Variants in TPO observed in about 807,000 individuals in gnomAD.
TPO encodes thyroid microsomal antigen.
A neutral mutation model predicts 96.9 loss-of-function variants in TPO; 78 were observed. The observed-to-expected ratio is 0.81, with a 90% CI of 0.67 to 0.97. The LOEUF (loss-of-function observed/expected upper bound fraction) is 0.97, where lower values mean the gene tolerates loss of function less well. TPO is among the 50% of genes least tolerant of loss of function. The pLI, the probability that TPO is intolerant of heterozygous loss-of-function variation, is 0.00. For synonymous variants in TPO, 547 were observed against 538.0 expected, an observed-to-expected ratio of 1.02 and a Z score of -0.23; for missense variants, 1,252 against 1,274.8, an observed-to-expected ratio of 0.98 and a Z score of 0.27.
rs138956821 is a variant in TPO at position 1,538,887 on chromosome 2, T to C, written c.2619-1707T>C. The stretch of plus-strand genomic sequence containing the variant: ...GAATGCGCCTTGCACATCCAGCCTT[T>C]GGTGCCCTGCTGGTGTTCACTGGCA... On this transcript the variant is annotated intron_variant, in intron 15 of 16. Transcript: ENST00000329066. Among the ~76,000 whole-genome samples, 213 of 152,308 alleles carry C rather than the reference T, an allele frequency of 1.4e-3. 1 individual carries two copies. The highest frequency in any genetic ancestry group is 4.9e-3 in the African/African-American group (204 of 41,578).
intron 1 of TPO, among the ~76,000 whole-genome samples, chr2:1,387,090 C>T (rs1396136292): frequency 1.3e-5 from 2 of 152,220 alleles, no homozygotes; most frequent in Admixed American, 1.3e-4. Flanking sequence ...AGCTGTTAGT[C>T]TGATGGGCCT....
At chr2:1,533,764 A>C (rs1573625992) in intron 15 of TPO, among the ~76,000 whole-genome samples, 6 of 24,646 alleles carry the variant, frequency 2.4e-4, no homozygotes, top group Admixed American at 7.3e-4. Flanking sequence ...TTCCTCCCCC[A>C]CTCTGAGTAG....
At chr2:1,454,502 G>T (rs1242322242) in intron 6 of TPO, among the ~76,000 whole-genome samples, 1 of 152,158 alleles carries the variant, frequency 6.6e-6, no homozygotes, top group African/African-American at 2.4e-5. Context: ...AATTTTCCTA[G>T]GCGGGCTTTT....
chr2:1,384,703 T>G (rs1661860457), intron 1 of TPO, among the ~76,000 whole-genome samples: 2 of 152,148 alleles, frequency 1.3e-5, no homozygotes, highest in African/African-American at 4.8e-5. Context: ...TACCCTTTAT[T>G]TCTTTCTCCT....
chr2:1,375,294 A>G (rs1004142971), intron 1 of TPO, among the ~76,000 whole-genome samples: 1 of 152,058 alleles, frequency 6.6e-6, no homozygotes, highest in Non-Finnish European at 1.5e-5. Flanking sequence ...CGTGAAAGGG[A>G]GGATTTATTT....
At chr2:1,481,560 G>A (rs956291853) in intron 8 of TPO, among the ~76,000 whole-genome samples, 26 of 152,126 alleles carry the variant, frequency 1.7e-4, no homozygotes, top group African/African-American at 6.3e-4. Context: ...GATCTCCCTG[G>A]ACATCCCCAT....
intron 2 of TPO, among the ~76,000 whole-genome samples, chr2:1,417,182 C>A (rs932639787): frequency 2.6e-5 from 4 of 151,620 alleles, no homozygotes; most frequent in African/African-American, 9.7e-5. Flanking sequence ...CCGTGACTCA[C>A]ATCTGCAATC....
intron 7 of TPO, among the ~76,000 whole-genome samples, chr2:1,457,942 ATAG>A (rs398090085): frequency 6.6e-6 from 1 of 150,612 alleles, no homozygotes; most frequent in African/African-American, 2.4e-5. Context: ...GGCACATAAG[ATAG>A]TGTGTGGGCA....
intron 11 of TPO, 61 bp downstream of exon 11, chr2:1,494,100 G>T (rs1362296533): frequency 1.9e-6 from 3 of 1,540,356 alleles, no homozygotes; most frequent in Admixed American, 1.7e-5. Flanking sequence ...GGTCTGCGTT[G>T]GTTCTGAAGC....
rs578020006 is a variant in TPO at position 1,509,539 on chromosome 2, C to T, written c.2518+5460C>T. On this transcript the variant is annotated intron_variant, in intron 14 of 16. Transcript: ENST00000329066. ...AACCTCTTGTTTCAGGCACAGGATA[C>T]CCTCTTGTTTCAGGGACACCCCACC... Among the ~76,000 whole-genome samples, 5 of 151,530 alleles carry T rather than the reference C, an allele frequency of 3.3e-5. No individual in the cohort carries two copies. The South Asian group carries it at 1.0e-3, about 32-fold the overall frequency.
At chr2:1,530,618 C>T (rs1321295065) in intron 15 of TPO, among the ~76,000 whole-genome samples, 2 of 8,054 alleles carry the variant, frequency 2.5e-4, no homozygotes, top group African/African-American at 1.1e-3. Context: ...TCTGTGCAAC[C>T]TCCCCAACTC....
chr2:1,418,521 C>G (rs1663180854), intron 2 of TPO, among the ~76,000 whole-genome samples: 1 of 152,028 alleles, frequency 6.6e-6, no homozygotes, highest in South Asian at 2.1e-4. Flanking sequence ...TAATAAGAGT[C>G]TTTGAAAATG....
At chr2:1,460,110 A>G (rs1305952660) in intron 7 of TPO, among the ~76,000 whole-genome samples, 1 of 151,722 alleles carries the variant, frequency 6.6e-6, no homozygotes, top group African/African-American at 2.4e-5. Flanking sequence ...TAATTTTTCT[A>G]TTTTTAATAG....
chr2:1,421,891 A>G (rs1028664841), intron 2 of TPO, among the ~76,000 whole-genome samples: 4 of 152,164 alleles, frequency 2.6e-5, no homozygotes, highest in African/African-American at 9.6e-5. Context: ...ATTGGCGTAA[A>G]GCCAGGTCCC....
Position 1,487,946 on chromosome 2 carries a change from C to G in TPO, c.1723C>G (p.Leu575Val), listed in dbSNP as rs761142409. 1.2e-6 allele frequency: 2 copies of G among 1,614,072 alleles called. No homozygotes were observed. Among genetic ancestry groups the G allele is most frequent in the Admixed American group, 1.7e-5 (1 of 60,024 alleles). The change falls in exon 10 of 17, where the codon CTG becomes GTG. Residue 575 changes from leucine to valine, a missense_variant. By Grantham distance (32) the Leu-to-Val change is conservative. Coordinates refer to ENST00000329066, the MANE Select transcript of TPO (RefSeq NM_001206744.2). The part of the protein sequence containing the change: ...FVLSNSSTLD[L>V]ASINLQRGRD... ...GCTGTCCAATTCCAGCACCTTGGAT[C>G]TGGCGTCCATCAACCTGCAGAGGGG...
intron 1 of TPO, among the ~76,000 whole-genome samples, chr2:1,392,838 A>G (rs1243132189): frequency 6.6e-6 from 1 of 152,048 alleles, no homozygotes; most frequent in Non-Finnish European, 1.5e-5. Context: ...ATTGGTGGTG[A>G]TATCCCCTTT....
chr2:1,487,598 A>C (rs28911482), intron 9 of TPO, among the ~76,000 whole-genome samples: 6,014 of 152,214 alleles, frequency 0.04, 167 homozygotes, highest in Middle Eastern at 0.12. Context: ...TTAGCCAAGC[A>C]TGGTAGCGGG....
chr2:1,437,941 C>T (rs1305676402), intron 5 of TPO, among the ~76,000 whole-genome samples: 4 of 152,060 alleles, frequency 2.6e-5, no homozygotes, highest in Non-Finnish European at 5.9e-5. Flanking sequence ...AAAGGATGCA[C>T]AGGAGATGAT....
chr2:1,518,367 A>G (rs1674925581), intron 15 of TPO, among the ~76,000 whole-genome samples: 1 of 152,166 alleles, frequency 6.6e-6, no homozygotes, highest in African/African-American at 2.4e-5. Flanking sequence ...CATGATCTTT[A>G]TCGTTTCCAA....
Sources: gnomAD v4.1 joint callset for allele counts (sites outside exome capture counted in the v4.1 genomes callset) on GRCh38, gnomAD v4.1.1 for gene constraint, MANE v1.5 for transcripts, NCBI Gene and HGNC (gene_info 2026-07-23, HGNC 2026-07-21) for gene names.